Variants in DPP10 observed in about 807,000 individuals in gnomAD.
The protein encoded by DPP10 is dipeptidyl peptidase like 10, also known as inactive dipeptidyl peptidase 10.
In DPP10, 33 loss-of-function variants were observed where a neutral mutation model predicts 120.9. That is an observed-to-expected ratio of 0.27 (90% CI 0.21 to 0.37). DPP10 has a LOEUF of 0.37. Among genes scored for constraint, DPP10 ranks in the 10% least tolerant of loss-of-function variants. DPP10 has a pLI of 1.00. For missense variants in DPP10, 816 were observed against 942.8 expected (o/e 0.87, Z 1.76); for synonymous variants, 337 against 326.1 (o/e 1.03, Z -0.36).
chr2:115,501,378 A>G (rs2076676169), intron 4 of DPP10, among the ~76,000 whole-genome samples: 1 of 152,074 alleles, frequency 6.6e-6, no homozygotes, highest in Admixed American at 6.6e-5. Context: ...TGCTGGTACT[A>G]CACACCATCA....
At chr2:114,736,034 T>C (rs113594546) in intron 1 of DPP10, among the ~76,000 whole-genome samples, 8 of 152,170 alleles carry the variant, frequency 5.3e-5, no homozygotes, top group African/African-American at 1.9e-4. Flanking sequence ...AAGAAATAAA[T>C]ATACAAGTAG....
At chr2:115,083,162 A>C (rs1469292459) in intron 1 of DPP10, among the ~76,000 whole-genome samples, 2 of 152,050 alleles carry the variant, frequency 1.3e-5, no homozygotes, top group African/African-American at 4.8e-5. Context: ...TTTCCTTATA[A>C]GTATCAGCAT....
At chr2:114,871,394 T>C (rs1045592821) in intron 1 of DPP10, among the ~76,000 whole-genome samples, 2 of 152,050 alleles carry the variant, frequency 1.3e-5, no homozygotes, top group African/African-American at 2.4e-5. Flanking sequence ...ATCTATTAGG[T>C]TGGTGCACAA....
intron 5 of DPP10, among the ~76,000 whole-genome samples, chr2:115,537,812 A>G (rs1348050789): frequency 6.6e-6 from 1 of 151,934 alleles, no homozygotes; most frequent in African/African-American, 2.4e-5. Context: ...TAGGTGATTG[A>G]TGCCAGATGT....
chr2:115,807,988 A>G (rs1436993264), intron 19 of DPP10, among the ~76,000 whole-genome samples: 1 of 151,638 alleles, frequency 6.6e-6, no homozygotes, highest in African/African-American at 2.4e-5. Flanking sequence ...AAATCAAACT[A>G]TAACTGAGTT....
At chr2:114,767,289 A>G (rs1680817217) in intron 1 of DPP10, among the ~76,000 whole-genome samples, 1 of 146,878 alleles carries the variant, frequency 6.8e-6, no homozygotes, top group South Asian at 2.1e-4. Context: ...ATAAAGATAT[A>G]TAATATATAT....
At chr2:115,841,905 T>A (rs1210367026) in intron 25 of DPP10, among the ~76,000 whole-genome samples, 1 of 152,186 alleles carries the variant, frequency 6.6e-6, no homozygotes, top group Non-Finnish European at 1.5e-5. Context: ...GCCAAGGGCC[T>A]TTAGTCAAAA....
At chr2:115,190,874 T>C (rs1187022444) in intron 1 of DPP10, among the ~76,000 whole-genome samples, 1 of 152,248 alleles carries the variant, frequency 6.6e-6, no homozygotes, top group East Asian at 1.9e-4. Flanking sequence ...TGTGTCCTGA[T>C]ATCCTGTTTC....
intron 2 of DPP10, among the ~76,000 whole-genome samples, chr2:115,337,115 A>G (rs1452232811): frequency 1.3e-5 from 2 of 151,126 alleles, no homozygotes; most frequent in Non-Finnish European, 2.9e-5. Context: ...AATTTAAGAC[A>G]TATTGTAGAC....
At chr2:114,546,090 A>G (rs545510386) in intron 1 of DPP10, among the ~76,000 whole-genome samples, 1 of 152,150 alleles carries the variant, frequency 6.6e-6, no homozygotes, top group Non-Finnish European at 1.5e-5. Flanking sequence ...CTTGAGAGTC[A>G]TAATTCAGCA....
intron 2 of DPP10, among the ~76,000 whole-genome samples, chr2:115,320,508 T>C (rs1483231553): frequency 1.3e-5 from 2 of 151,994 alleles, no homozygotes; most frequent in African/African-American, 2.4e-5. Flanking sequence ...TTTTTTCTTA[T>C]GGTTATGTTG....
intron 5 of DPP10, among the ~76,000 whole-genome samples, chr2:115,580,991 A>G (rs964224185): frequency 1.3e-5 from 2 of 152,200 alleles, no homozygotes; most frequent in African/African-American, 4.8e-5. Context: ...AGGTTAGATC[A>G]CTTAGCCAAA....
intron 1 of DPP10, among the ~76,000 whole-genome samples, chr2:114,576,752 A>C (rs1231645046): frequency 6.6e-6 from 1 of 152,170 alleles, no homozygotes; most frequent in Admixed American, 6.5e-5. Flanking sequence ...AAACAAAAAC[A>C]CAGCATCTGC....
At chr2:115,583,455 A>G (rs1423634932) in intron 5 of DPP10, among the ~76,000 whole-genome samples, 3 of 152,162 alleles carry the variant, frequency 2.0e-5, no homozygotes, top group Non-Finnish European at 4.4e-5. Flanking sequence ...GGTGCCTTGG[A>G]AAGGATAGGA....
chr2:115,486,943 G>T (rs904370180), intron 3 of DPP10, among the ~76,000 whole-genome samples: 4 of 152,008 alleles, frequency 2.6e-5, no homozygotes, highest in Non-Finnish European at 4.4e-5. Flanking sequence ...ACTTCCACAA[G>T]AATTAATAAT....
intron 1 of DPP10, among the ~76,000 whole-genome samples, chr2:114,546,542 G>A (rs139518809): frequency 2.9e-4 from 44 of 152,274 alleles, no homozygotes; most frequent in East Asian, 2.3e-3. Flanking sequence ...AAACACCCTC[G>A]CTGGTCAATC....
At chr2:114,860,929 C>A (rs1022209543) in intron 1 of DPP10, among the ~76,000 whole-genome samples, 2 of 152,162 alleles carry the variant, frequency 1.3e-5, no homozygotes, top group Admixed American at 1.3e-4. Context: ...TCCTGAAATA[C>A]CTTATGCTTA....
At chr2:114,797,809 T>C (rs1683847276) in intron 1 of DPP10, among the ~76,000 whole-genome samples, 1 of 152,198 alleles carries the variant, frequency 6.6e-6, no homozygotes, top group African/African-American at 2.4e-5. Flanking sequence ...TGTGTTCCTT[T>C]CTTAACATTG....
chr2:114,532,903 A>G (rs908445782), intron 1 of DPP10, among the ~76,000 whole-genome samples: 12 of 152,288 alleles, frequency 7.9e-5, no homozygotes, highest in Admixed American at 7.2e-4. Flanking sequence ...GATCAGGGGT[A>G]TTCTCTGCTT....
Sources: gnomAD v4.1 joint callset for allele counts (sites outside exome capture counted in the v4.1 genomes callset) on GRCh38, gnomAD v4.1.1 for gene constraint, MANE v1.5 for transcripts, NCBI Gene and HGNC (gene_info 2026-07-23, HGNC 2026-07-21) for gene names.